ABCG2: variants seen among roughly 807,000 people sequenced by gnomAD.
ABCG2 encodes the protein ATP binding cassette subfamily G member 2 (JR blood group), also known as broad substrate specificity ATP-binding cassette transporter ABCG2.
In ABCG2, 80 loss-of-function variants were observed where a neutral mutation model predicts 73.5. The ratio of observed to expected loss-of-function variants is 1.09; its 90% CI spans 0.91 to 1.31. The LOEUF is 1.31. ABCG2 is among the 50% of genes most tolerant of loss of function. The pLI, the probability that ABCG2 is intolerant of heterozygous loss-of-function variation, is 0.00. For synonymous variants in ABCG2, 269 were observed against 282.4 expected (o/e 0.95, Z 0.48); for missense variants, 796 against 786.2 (o/e 1.01, Z -0.15).
At chr4:88,226,276 G>T (rs529158831) in intron 1 of ABCG2, among the ~76,000 whole-genome samples, 2 of 152,256 alleles carry the variant, frequency 1.3e-5, no homozygotes, top group Non-Finnish European at 2.9e-5. Flanking sequence ...ATCACTGTCA[G>T]AGTCAAGTCC....
chr4:88,182,811 C>T (rs1299519667), intron 1 of ABCG2, among the ~76,000 whole-genome samples: 3 of 152,116 alleles, frequency 2.0e-5, no homozygotes, highest in Non-Finnish European at 2.9e-5. Context: ...AACAGCCAGG[C>T]GTGGTGGCTC....
At chr4:88,224,122 T>A (rs1904903) in intron 1 of ABCG2, among the ~76,000 whole-genome samples, 84,657 of 152,036 alleles carry the variant, frequency 0.56, 23,833 homozygotes, top group Middle Eastern at 0.66. Context: ...ATATGTAATT[T>A]TCTCCCATTC....
intron 1 of ABCG2, among the ~76,000 whole-genome samples, chr4:88,144,732 T>C (rs966540163): frequency 6.6e-6 from 1 of 152,090 alleles, no homozygotes; most frequent in African/African-American, 2.4e-5. Context: ...GCTGGGATTA[T>C]AGGTGTGAGC....
At chr4:88,172,020 G>T (rs1455307380) in intron 1 of ABCG2, among the ~76,000 whole-genome samples, 1 of 152,022 alleles carries the variant, frequency 6.6e-6, no homozygotes, top group Non-Finnish European at 1.5e-5. Flanking sequence ...ATAAGGCTGG[G>T]TGCGTTGGCT....
chr4:88,204,432 A>C (rs191425793), intron 1 of ABCG2, among the ~76,000 whole-genome samples: 2 of 152,312 alleles, frequency 1.3e-5, no homozygotes, highest in Admixed American at 6.5e-5. Flanking sequence ...ACAAACAAAC[A>C]AACAAACAAA....
chr4:88,214,155 T>C (rs917484158), intron 1 of ABCG2, among the ~76,000 whole-genome samples: 8 of 151,630 alleles, frequency 5.3e-5, no homozygotes, highest in Non-Finnish European at 4.4e-5. Context: ...GCCTGGCTAA[T>C]TTCTGTATTT....
intron 1 of ABCG2, among the ~76,000 whole-genome samples, chr4:88,154,691 A>G (rs1398072181): frequency 6.6e-6 from 1 of 152,154 alleles, no homozygotes; most frequent in Non-Finnish European, 1.5e-5. Context: ...GGTATCAGGA[A>G]TAATGTGGGA....
At chr4:88,145,107 A>G (rs1489032257) in intron 1 of ABCG2, among the ~76,000 whole-genome samples, 1 of 151,504 alleles carries the variant, frequency 6.6e-6, no homozygotes, top group Admixed American at 6.6e-5. Flanking sequence ...TTTTTTTCCT[A>G]GGATGACGCT....
chr4:88,168,576 C>T (rs1012850760), intron 1 of ABCG2, among the ~76,000 whole-genome samples: 2 of 150,218 alleles, frequency 1.3e-5, no homozygotes, highest in Admixed American at 6.6e-5. Flanking sequence ...AAAAAAACTA[C>T]GTATTGATAA....
intron 1 of ABCG2, among the ~76,000 whole-genome samples, chr4:88,199,035 C>T (rs960445881): frequency 1.1e-4 from 17 of 152,064 alleles, no homozygotes; most frequent in Non-Finnish European, 1.6e-4. Context: ...GTGGCGCAAT[C>T]TCAGCTCACT....
intron 1 of ABCG2, among the ~76,000 whole-genome samples, chr4:88,189,079 G>A (rs1728580773): frequency 6.6e-6 from 1 of 151,982 alleles, no homozygotes; most frequent in African/African-American, 2.4e-5. Flanking sequence ...CTGCATATTC[G>A]TTTACATTTT....
At chr4:88,115,517 C>G (rs1578191349) in intron 7 of ABCG2, among the ~76,000 whole-genome samples, 1 of 149,660 alleles carries the variant, frequency 6.7e-6, no homozygotes, top group Admixed American at 6.7e-5. Context: ...CTCCTGGCCT[C>G]AAGTGATCCA....
chr4:88,200,000 C>A (rs1729096251), intron 1 of ABCG2, among the ~76,000 whole-genome samples: 1 of 150,570 alleles, frequency 6.6e-6, no homozygotes. Context: ...GACTCCGTCT[C>A]AAAAAAAAAG....
chr4:88,216,851 GA>G (rs1283210544), intron 1 of ABCG2, among the ~76,000 whole-genome samples: 2 of 151,914 alleles, frequency 1.3e-5, no homozygotes, highest in South Asian at 4.2e-4. Flanking sequence ...CCAAAATGGC[GA>G]AACCCCCCTC....
intron 9 of ABCG2, among the ~76,000 whole-genome samples, chr4:88,109,462 C>T (rs952434520): frequency 2.0e-5 from 3 of 152,188 alleles, no homozygotes; most frequent in African/African-American, 7.2e-5. Flanking sequence ...AATAATCAAT[C>T]CCGTAACCTT....
intron 1 of ABCG2, among the ~76,000 whole-genome samples, chr4:88,218,587 C>T (rs1482221224): frequency 6.6e-6 from 1 of 152,044 alleles, no homozygotes; most frequent in East Asian, 1.9e-4. Flanking sequence ...ATCTTTTATC[C>T]CTCACCCCCT....
intron 1 of ABCG2, among the ~76,000 whole-genome samples, chr4:88,219,915 T>A (rs531327663): frequency 6.6e-6 from 1 of 152,170 alleles, no homozygotes; most frequent in South Asian, 2.1e-4. Flanking sequence ...AGTATATTCA[T>A]TGCTGTGCAA....
chr4:88,101,096 A>G, intron 11 of ABCG2, 134 bp downstream of exon 11: 1 of 643,316 alleles, frequency 1.6e-6, no homozygotes, highest in Admixed American at 2.9e-5. Flanking sequence ...TTTATTCATC[A>G]ATTTAAAAAT....
At chr4:88,154,265 T>C (rs1726764444) in intron 1 of ABCG2, among the ~76,000 whole-genome samples, 1 of 152,164 alleles carries the variant, frequency 6.6e-6, no homozygotes, top group African/African-American at 2.4e-5. Context: ...AGTGAATGAC[T>C]CCAGCTTCCT....
Sources: gnomAD v4.1 joint callset for allele counts (sites outside exome capture counted in the v4.1 genomes callset) on GRCh38, gnomAD v4.1.1 for gene constraint, MANE v1.5 for transcripts, NCBI Gene and HGNC (gene_info 2026-07-23, HGNC 2026-07-21) for gene names.